DOCK1: variants seen among roughly 807,000 people sequenced by gnomAD.
DOCK1 encodes the protein dedicator of cytokinesis protein 1.
A neutral mutation model predicts 262.7 loss-of-function variants in DOCK1; 138 were observed. That is an observed-to-expected ratio of 0.53 (90% confidence interval 0.46 to 0.61). The LOEUF is 0.61. Among genes scored for constraint, DOCK1 ranks in the 20% least tolerant of loss-of-function variants. The pLI, the probability that DOCK1 is intolerant of heterozygous loss-of-function variation, is 0.00. For missense variants in DOCK1, 1,908 were observed against 2,370.7 expected (o/e 0.80, Z 4.05); for synonymous variants, 866 against 867.4 (o/e 1.00, Z 0.03).
rs1187866164 is a variant in DOCK1 at position 127,100,050 on chromosome 10, G to A, written c.2446-6181G>A. ...CCTGCAGGTACCAAGGGTGAGTCTG[G>A]GGTGGTGGGGCCAGAGCCCATGGCC... On this transcript the variant is annotated intron_variant, in intron 23 of 51. Transcript: ENST00000623213. The surrounding 1 kb of genome is among the most constrained non-coding windows in gnomAD (Gnocchi z 5.5). Among the ~76,000 whole-genome samples the A allele has an allele frequency of 6.6e-6, 1 of 152,130 alleles. No individual in the cohort carries two copies. Among genetic ancestry groups the A allele is most frequent in the Non-Finnish European group, 1.5e-5 (1 of 68,026 alleles).
chr10:127,295,014 T>G (rs538631487), intron 29 of DOCK1, among the ~76,000 whole-genome samples: 1 of 152,226 alleles, frequency 6.6e-6, no homozygotes, highest in Admixed American at 6.5e-5. Context: ...CCCCAGGGCT[T>G]TGGGAGGCCT....
intron 31 of DOCK1, among the ~76,000 whole-genome samples, chr10:127,348,347 A>G (rs2063738078): frequency 6.6e-6 from 1 of 152,116 alleles, no homozygotes; most frequent in Non-Finnish European, 1.5e-5. Flanking sequence ...TATGTCTAAA[A>G]TGTAAAAGGA....
chr10:127,126,947 A>G (rs2050001161), intron 26 of DOCK1, among the ~76,000 whole-genome samples: 1 of 151,880 alleles, frequency 6.6e-6, no homozygotes, highest in African/African-American at 2.4e-5. Flanking sequence ...TGGAAACCTC[A>G]CCTCTTACAG....
chr10:127,419,601 G>A, intron 45 of DOCK1, 65 bp from the exon 46 acceptor site: 1 of 1,422,300 alleles, frequency 7.0e-7, no homozygotes. Context: ...CTGGCACACA[G>A]TAAGTGTGCA....
At chr10:126,992,414 A>G (rs1050351013) in intron 6 of DOCK1, among the ~76,000 whole-genome samples, 2 of 152,146 alleles carry the variant, frequency 1.3e-5, no homozygotes, top group African/African-American at 4.8e-5. Flanking sequence ...TTGCCCAAGG[A>G]TCTCCAGGCT....
chr10:126,934,467 C>T (rs1197449980), intron 1 of DOCK1, among the ~76,000 whole-genome samples: 3 of 152,314 alleles, frequency 2.0e-5, no homozygotes, highest in Non-Finnish European at 2.9e-5. Context: ...TTTTCATAAT[C>T]GTAACACTTG....
rs189076492 is a variant in DOCK1 at position 127,338,259 on chromosome 10, C to T, written c.3045-747C>T. The stretch of plus-strand genomic sequence containing the variant: ...CTTTAGTATTGTAAGCACTTTCAAG[C>T]GTTATAAAACAAATCTGTTGAATGA... On this transcript the variant is annotated intron_variant, in intron 29 of 51. Coordinates refer to ENST00000623213, the MANE Select transcript of DOCK1 (RefSeq NM_001290223.2). Among the ~76,000 whole-genome samples the T allele has an allele frequency of 6.6e-5, 10 of 152,214 alleles. 1 individual carries two copies. The highest frequency in any genetic ancestry group is 5.9e-4 in the Admixed American group (9 of 15,290).
intron 30 of DOCK1, among the ~76,000 whole-genome samples, chr10:127,340,561 G>C (rs1253492752): frequency 1.3e-5 from 2 of 152,182 alleles, no homozygotes; most frequent in Admixed American, 6.5e-5. Flanking sequence ...CGTGAGGGCT[G>C]TGATACATGT....
At chr10:127,292,173 C>T (rs1183633474) in intron 29 of DOCK1, among the ~76,000 whole-genome samples, 1 of 152,172 alleles carries the variant, frequency 6.6e-6, no homozygotes, top group Non-Finnish European at 1.5e-5. Flanking sequence ...TATGACCACT[C>T]CAGGTCTCTG....
chr10:127,318,815 C>T (rs2062396955), intron 29 of DOCK1, among the ~76,000 whole-genome samples: 2 of 152,126 alleles, frequency 1.3e-5, no homozygotes, highest in Non-Finnish European at 2.9e-5. Flanking sequence ...ATAACTGGGC[C>T]CTGCAATGTC....
chr10:126,914,918 C>T (rs1052247673), intron 1 of DOCK1, among the ~76,000 whole-genome samples: 2 of 152,144 alleles, frequency 1.3e-5, no homozygotes, highest in African/African-American at 4.8e-5. Flanking sequence ...CACTGCCCTT[C>T]CCCATTCAAC....
intron 27 of DOCK1, among the ~76,000 whole-genome samples, chr10:127,187,148 A>G (rs774206156): frequency 2.0e-5 from 3 of 152,234 alleles, no homozygotes; most frequent in Non-Finnish European, 4.4e-5. Flanking sequence ...GAAGCACCCA[A>G]CACATAACAC....
chr10:126,979,311 A>AG (rs2038778468), intron 3 of DOCK1, among the ~76,000 whole-genome samples: 1 of 152,172 alleles, frequency 6.6e-6, no homozygotes, highest in South Asian at 2.1e-4. Context: ...GCTTGAGCTC[A>AG]GGAGATTGAG....
At chr10:126,923,478 G>T (rs890560258) in intron 1 of DOCK1, among the ~76,000 whole-genome samples, 1 of 151,952 alleles carries the variant, frequency 6.6e-6, no homozygotes, top group Non-Finnish European at 1.5e-5. Flanking sequence ...ACAAAAATTA[G>T]CCGGGTGTGG....
intron 23 of DOCK1, among the ~76,000 whole-genome samples, chr10:127,088,677 A>G (rs1055226300): frequency 6.6e-6 from 1 of 152,142 alleles, no homozygotes; most frequent in African/African-American, 2.4e-5. Context: ...GGAGGATTCC[A>G]TTTAAATGCA....
intron 31 of DOCK1, among the ~76,000 whole-genome samples, chr10:127,347,786 T>G (rs1261561710): frequency 6.8e-6 from 1 of 148,132 alleles, no homozygotes; most frequent in East Asian, 2.0e-4. Context: ...CTCTAGGGCT[T>G]GTGAATCCAA....
chr10:127,103,114 T>C (rs1000084617), intron 23 of DOCK1, among the ~76,000 whole-genome samples: 1 of 152,252 alleles, frequency 6.6e-6, no homozygotes, highest in Non-Finnish European at 1.5e-5. Flanking sequence ...ATCTGTGTTC[T>C]AGGTAACAGT....
chr10:127,012,324 CTG>C lies in DOCK1; in HGVS notation c.1153_1154del (p.Val385TyrfsTer59). On this transcript the variant is annotated frameshift_variant, in exon 12 of 52. Coordinates refer to ENST00000623213, the MANE Select transcript of DOCK1 (RefSeq NM_001290223.2). LOFTEE classifies it high-confidence loss of function. The surrounding 1 kb of genome is among the most constrained non-coding windows in gnomAD (Gnocchi z 4.0). ...GCAGGGGAGAATGACTTCCTTCAGA[CTG>C]TTATAAACAAAGTCATCGCTGCCAA... 1 of 1,614,060 alleles carries C rather than the reference CTG, an allele frequency of 6.2e-7. No individual in the cohort carries two copies. Among genetic ancestry groups the C allele is most frequent in the Non-Finnish European group, 8.5e-7 (1 of 1,179,904 alleles).
intron 11 of DOCK1, among the ~76,000 whole-genome samples, chr10:127,011,064 G>A (rs1442081759): frequency 6.6e-6 from 1 of 152,120 alleles, no homozygotes; most frequent in African/African-American, 2.4e-5. Context: ...GTGCTTTGAC[G>A]CCATCTTTTT....
Sources: gnomAD v4.1 joint callset for allele counts (sites outside exome capture counted in the v4.1 genomes callset) on GRCh38, gnomAD v4.1.1 for gene constraint, Gnocchi (gnomAD v3.1) non-coding constraint, MANE v1.5 for transcripts, NCBI Gene and HGNC (gene_info 2026-07-23, HGNC 2026-07-21) for gene names.